Variants in SPOCK1 observed in about 807,000 individuals in gnomAD.
The protein encoded by SPOCK1 is testican-1.
Under a neutral mutation model 55.3 loss-of-function variants are expected in SPOCK1, and 23 were observed. That is an observed-to-expected ratio of 0.42 (90% CI 0.30 to 0.59). The LOEUF is 0.59. Among genes scored for constraint, SPOCK1 ranks in the 20% least tolerant of loss-of-function variants. The pLI, the probability that SPOCK1 is intolerant of heterozygous loss-of-function variation, is 0.22. For synonymous variants in SPOCK1, 226 were observed against 221.0 expected, an observed-to-expected ratio of 1.02 and a Z score of -0.20; for missense variants, 499 against 552.5, an observed-to-expected ratio of 0.90 and a Z score of 0.97.
At chr5:137,493,702 T>C (rs535117447) in intron 2 of SPOCK1, among the ~76,000 whole-genome samples, 5 of 152,230 alleles carry the variant, frequency 3.3e-5, no homozygotes, top group Admixed American at 6.5e-5. Context: ...CATTTAAGTC[T>C]CCTTGAACCT....
intron 2 of SPOCK1, among the ~76,000 whole-genome samples, chr5:137,355,188 A>T (rs1750765581): frequency 6.6e-6 from 1 of 150,710 alleles, no homozygotes; most frequent in African/African-American, 2.5e-5. Context: ...GGTGTAAGCC[A>T]CTGTATCTGG....
At chr5:137,452,765 A>G (rs1185530769) in intron 2 of SPOCK1, among the ~76,000 whole-genome samples, 1 of 152,228 alleles carries the variant, frequency 6.6e-6, no homozygotes, top group African/African-American at 2.4e-5. Context: ...TCCTTGGCAC[A>G]TGGGCAGTTA....
chr5:137,387,352 G>A (rs1404166631), intron 2 of SPOCK1, among the ~76,000 whole-genome samples: 1 of 152,254 alleles, frequency 6.6e-6, no homozygotes, highest in Non-Finnish European at 1.5e-5. Context: ...GCACATGGAT[G>A]TTTACAGCAG....
intron 2 of SPOCK1, among the ~76,000 whole-genome samples, chr5:137,372,620 T>G (rs1215172341): frequency 6.6e-6 from 1 of 152,168 alleles, no homozygotes; most frequent in Non-Finnish European, 1.5e-5. Flanking sequence ...GTGTCAGAAA[T>G]TCCAAGAAAG....
chr5:137,029,034 G>A (rs1341448792), intron 6 of SPOCK1, among the ~76,000 whole-genome samples: 1 of 152,058 alleles, frequency 6.6e-6, no homozygotes, highest in Admixed American at 6.5e-5. Context: ...GGTCAACTGA[G>A]TCCCCTTGCT....
intron 2 of SPOCK1, among the ~76,000 whole-genome samples, chr5:137,479,925 C>A (rs1466846552): frequency 1.3e-5 from 2 of 152,128 alleles, no homozygotes; most frequent in African/African-American, 4.8e-5. Context: ...GCCTGGCCCT[C>A]TAGAGGGCAT....
chr5:137,357,566 A>G (rs1274868519), intron 2 of SPOCK1, among the ~76,000 whole-genome samples: 1 of 152,208 alleles, frequency 6.6e-6, no homozygotes, highest in Non-Finnish European at 1.5e-5. Flanking sequence ...GACTGGGTCT[A>G]TAAGAACGAG....
intron 2 of SPOCK1, among the ~76,000 whole-genome samples, chr5:137,271,716 C>T (rs1046913162): frequency 2.0e-5 from 3 of 152,134 alleles, no homozygotes; most frequent in African/African-American, 4.8e-5. Context: ...AATGTCAAAG[C>T]TGACTCTGAG....
Position 137,480,303 on chromosome 5 carries a change from T to TCACACACA in SPOCK1, c.186+18062_186+18069dup, listed in dbSNP as rs6149262. Among the ~76,000 whole-genome samples, 987 of 140,190 alleles carry TCACACACA rather than the reference T, an allele frequency of 7.0e-3. 12 individuals carry two copies. The highest frequency in any genetic ancestry group is 0.035 in the East Asian group (161 of 4,600). 92.0% of individuals were successfully genotyped at this position (140,190 alleles called of 152,430 possible). A position where few individuals can be genotyped will look rare whatever the true frequency, so the allele number is the denominator to read the frequency against. On this transcript the variant is annotated intron_variant, in intron 2 of 10. Transcript: ENST00000394945. ...CTGCAGCTGTTCACGTTGCTCTCCT[T>TCACACACA]CACACACACACACACACACACACAC...
chr5:137,029,551 G>A (rs966974218), intron 6 of SPOCK1, among the ~76,000 whole-genome samples: 6 of 152,194 alleles, frequency 3.9e-5, no homozygotes, highest in Non-Finnish European at 7.3e-5. Flanking sequence ...GGAAGAGCTG[G>A]GATTAGGCCC....
intron 2 of SPOCK1, among the ~76,000 whole-genome samples, chr5:137,477,992 A>C (rs1164678593): frequency 6.6e-6 from 1 of 152,216 alleles, no homozygotes; most frequent in Non-Finnish European, 1.5e-5. Context: ...GGTCAAACCC[A>C]GATTTGAAGT....
chr5:137,426,514 T>C (rs1469388052), intron 2 of SPOCK1, among the ~76,000 whole-genome samples: 1 of 152,186 alleles, frequency 6.6e-6, no homozygotes, highest in Non-Finnish European at 1.5e-5. Context: ...GACATATTTC[T>C]AACAAGGGCA....
chr5:137,210,949 T>A (rs1209753119), intron 3 of SPOCK1, among the ~76,000 whole-genome samples: 1 of 152,128 alleles, frequency 6.6e-6, no homozygotes, highest in East Asian at 1.9e-4. Context: ...CAGCTATAAT[T>A]CTCTGTAATG....
At chr5:136,982,619 A>G (rs1281937039) in intron 9 of SPOCK1, among the ~76,000 whole-genome samples, 1 of 151,378 alleles carries the variant, frequency 6.6e-6, no homozygotes, top group Non-Finnish European at 1.5e-5. Flanking sequence ...TTTTTTTTTC[A>G]TGAACAAACT....
chr5:136,993,440 T>C (rs1271979872), intron 6 of SPOCK1, among the ~76,000 whole-genome samples: 1 of 152,160 alleles, frequency 6.6e-6, no homozygotes, highest in Non-Finnish European at 1.5e-5. Flanking sequence ...ACGCTAATTC[T>C]TGGTACTGAG....
At chr5:137,484,068 C>A (rs899320687) in intron 2 of SPOCK1, among the ~76,000 whole-genome samples, 1 of 152,186 alleles carries the variant, frequency 6.6e-6, no homozygotes, top group Non-Finnish European at 1.5e-5. Flanking sequence ...ACAGGAAAAA[C>A]CACTTTACCG....
intron 2 of SPOCK1, among the ~76,000 whole-genome samples, chr5:137,468,824 G>A (rs1753674502): frequency 6.6e-6 from 1 of 152,054 alleles, no homozygotes; most frequent in Admixed American, 6.6e-5. Context: ...TGCTTTCCTG[G>A]GTCAAGAAGC....
At chr5:137,015,174 G>T (rs553727991) in intron 6 of SPOCK1, among the ~76,000 whole-genome samples, 3 of 151,988 alleles carry the variant, frequency 2.0e-5, no homozygotes, top group Admixed American at 6.6e-5. Context: ...AGGCACGGTG[G>T]CCCATGCCTG....
intron 2 of SPOCK1, among the ~76,000 whole-genome samples, chr5:137,366,452 G>A (rs1260800592): frequency 6.6e-6 from 1 of 152,132 alleles, no homozygotes; most frequent in Non-Finnish European, 1.5e-5. Flanking sequence ...TTTCCGACAA[G>A]AAAAGACAAA....
Sources: gnomAD v4.1 joint callset for allele counts (sites outside exome capture counted in the v4.1 genomes callset) on GRCh38, gnomAD v4.1.1 for gene constraint, MANE v1.5 for transcripts, NCBI Gene and HGNC (gene_info 2026-07-23, HGNC 2026-07-21) for gene names.